The following C1orf159 variants were observed in gnomAD, a reference collection of about 807,000 sequenced individuals.
C1orf159 encodes the protein chromosome 1 open reading frame 159, also known as uncharacterized protein C1orf159.
Under a neutral mutation model 25.6 loss-of-function variants are expected in C1orf159, and 19 were observed. The ratio of observed to expected loss-of-function variants is 0.74; its 90% CI spans 0.52 to 1.09. C1orf159 has a LOEUF of 1.09. Ranked by LOEUF, C1orf159 falls within the 50% of genes least tolerant of loss-of-function variation. The pLI is 0.00. For synonymous variants in C1orf159, 139 were observed against 124.7 expected (o/e 1.12, Z -0.77); for missense variants, 274 against 290.6 (o/e 0.94, Z 0.42).
chr1:1,091,235 T>A lies in C1orf159; in HGVS notation c.72+237A>T. 3 of 628,622 alleles carry A rather than the reference T, an allele frequency of 4.8e-6. No individual in the cohort carries two copies. The Admixed American group carries it at 8.8e-5, about 18-fold the overall frequency. 38.9% of individuals were successfully genotyped at this position (628,622 alleles called of 1,614,324 possible). ...CATTGCGGGCCAGGATGCCTCACCGTGGGGGCCCCGCCTGACCCAGCCATT... is the reference window on the plus strand; with the variant it reads ...CATTGCGGGCCAGGATGCCTCACCGAGGGGGCCCCGCCTGACCCAGCCATT... On this transcript the variant is annotated intron_variant, in intron 3 of 9. Coordinates refer to ENST00000421241, the MANE Select transcript of C1orf159 (RefSeq NM_017891.5).
chr1:1,082,641 G>T lies in C1orf159; in HGVS notation c.*252C>A, dbSNP rs61766325. The T allele has an allele frequency of 1.3e-5, 7 of 531,848 alleles. No homozygotes were observed. Among genetic ancestry groups the T allele is most frequent in the South Asian group, 2.1e-5 (1 of 48,628 alleles). 32.9% of individuals were successfully genotyped at this position (531,848 alleles called of 1,614,324 possible). ...GGGGGCCCGGACCCCCCAAGGCCTC[G>T]ATCTGAAGCTCTGAGGTCTCATGGA... On this transcript the variant is annotated 3_prime_UTR_variant, in exon 10 of 10. Transcript: ENST00000421241.
intron 1 of C1orf159, among the ~76,000 whole-genome samples, chr1:1,107,796 T>C (rs1252041084): frequency 6.6e-6 from 1 of 152,196 alleles, no homozygotes; most frequent in Non-Finnish European, 1.5e-5. Flanking sequence ...CAATAAATCT[T>C]GCTGCTGCTC....
chr1:1,096,469 CCCT>C (rs1646010806), intron 1 of C1orf159, among the ~76,000 whole-genome samples: 2 of 151,972 alleles, frequency 1.3e-5, no homozygotes, highest in African/African-American at 2.4e-5. Flanking sequence ...CACCCGTTCC[CCCT>C]CCTCTTTTAT....
intron 4 of C1orf159, among the ~76,000 whole-genome samples, chr1:1,088,075 C>G (rs1161087045): frequency 1.3e-5 from 2 of 151,610 alleles, no homozygotes; most frequent in African/African-American, 4.8e-5. Flanking sequence ...AGGCTGGGCC[C>G]GGCTTCCACC....
At chr1:1,091,908 G>A (rs1024737264) in intron 2 of C1orf159, 83 bp downstream of exon 2, 2 of 452,894 alleles carry the variant, frequency 4.4e-6, no homozygotes, top group Admixed American at 5.1e-5. Context: ...AGGGAAGGTG[G>A]AGCCAAATGG....
intron 7 of C1orf159, among the ~76,000 whole-genome samples, 168 bp from the exon 8 acceptor site, chr1:1,084,674 C>T (rs1282884256): frequency 6.6e-6 from 1 of 152,118 alleles, no homozygotes; most frequent in East Asian, 1.9e-4. Flanking sequence ...CCAACCTCTC[C>T]CTGCGGTGCA....
rs1424610884 is a variant in C1orf159 at position 1,108,250 on chromosome 1, C to A, written c.-136+7810G>T. On this transcript the variant is annotated intron_variant, in intron 1 of 9. Coordinates refer to ENST00000421241, the MANE Select transcript of C1orf159 (RefSeq NM_017891.5). ...CATGTCTCAGCAGCACCGTTCACCA[C>A]AGCCACCATGTCTCAGCAGCACCGT... 7.6e-3 allele frequency among the ~76,000 whole-genome samples: 1,101 copies of A among 144,040 alleles called. 28 individuals carry two copies. The highest frequency in any genetic ancestry group is 0.019 in the East Asian group (90 of 4,774). 94.5% of individuals were successfully genotyped at this position (144,040 alleles called of 152,430 possible).
In C1orf159 at chr1:1,082,234, CTTT is replaced by C; in HGVS notation, c.*656_*658del. 1 of 153,552 alleles carries C rather than the reference CTTT, an allele frequency of 6.5e-6. No homozygotes were observed. Among genetic ancestry groups the C allele is most frequent in the Non-Finnish European group, 1.5e-5 (1 of 68,810 alleles). 9.5% of individuals were successfully genotyped at this position (153,552 alleles called of 1,614,324 possible). On this transcript the variant is annotated 3_prime_UTR_variant, in exon 10 of 10. Coordinates refer to ENST00000421241, the MANE Select transcript of C1orf159 (RefSeq NM_017891.5). ...AGCGGGGCCACAGAGCTCTGGAGGA[CTTT>C]TCTGCACAATGAATTTCTGCTTAAA...
At position 1,087,358 on chromosome 1, in the gene C1orf159, A is replaced by C; in HGVS notation, c.244+144T>G. On this transcript the variant is annotated intron_variant, in intron 5 of 9. Coordinates refer to ENST00000421241, the MANE Select transcript of C1orf159 (RefSeq NM_017891.5). The surrounding 1 kb of genome is among the most constrained non-coding windows in gnomAD (Gnocchi z 8.3). ...ACAGAGCTGTCCCGAATGGCCCAGC[A>C]GACTCGGGAAGAGGGGGCTCCCGGG... 2 of 1,149,714 alleles carry C rather than the reference A, an allele frequency of 1.7e-6. No individual in the cohort carries two copies. Among genetic ancestry groups the C allele is most frequent in the South Asian group, 3.1e-5 (2 of 63,492 alleles). The allele number at this position is 1,149,714 out of a possible 1,614,324, so 71.2% of individuals were successfully genotyped here.
chr1:1,086,832 G>A (rs1645837754), intron 6 of C1orf159, among the ~76,000 whole-genome samples: 1 of 152,048 alleles, frequency 6.6e-6, no homozygotes, highest in Non-Finnish European at 1.5e-5. Flanking sequence ...GTGTGGCCGT[G>A]AGCCATGAGT....
At position 1,089,579 on chromosome 1, in the gene C1orf159, C is replaced by T. The variant is rs539791036; in HGVS notation, c.148+774G>A. ...GCCCAGCCTCACTGGCTGCCACAGCCGCCGTCTTGACCACGCCCTCCTCAC... is the reference window on the plus strand; with the variant it reads ...GCCCAGCCTCACTGGCTGCCACAGCTGCCGTCTTGACCACGCCCTCCTCAC... On this transcript the variant is annotated intron_variant, in intron 4 of 9. Coordinates refer to ENST00000421241, the MANE Select transcript of C1orf159 (RefSeq NM_017891.5). This position sits in a 1 kb window ranked among gnomAD's most constrained non-coding sequence, Gnocchi z 7.5. 7.2e-5 allele frequency among the ~76,000 whole-genome samples: 11 copies of T among 152,288 alleles called. No individual in the cohort carries two copies. The South Asian group carries it at 8.3e-4, about 11-fold the overall frequency.
At position 1,087,256 on chromosome 1, in the gene C1orf159, C is replaced by A; in HGVS notation, c.245-52G>T. On this transcript the variant is annotated intron_variant, in intron 5 of 9. Coordinates refer to ENST00000421241, the MANE Select transcript of C1orf159 (RefSeq NM_017891.5). The surrounding 1 kb of genome is among the most constrained non-coding windows in gnomAD (Gnocchi z 8.3). The stretch of plus-strand genomic sequence containing the variant: ...CCTGTGTGCACGGAGCCCACGGGGA[C>A]ACCCACGTGCACCCTGAAGGGATCT... The A allele has an allele frequency of 6.7e-7, 1 of 1,496,756 alleles. No homozygotes were observed. Among genetic ancestry groups the A allele is most frequent in the South Asian group, 1.3e-5 (1 of 79,142 alleles). 92.7% of individuals were successfully genotyped at this position (1,496,756 alleles called of 1,614,324 possible).
intron 1 of C1orf159, among the ~76,000 whole-genome samples, chr1:1,107,112 C>T (rs1044542234): frequency 1.0e-4 from 16 of 152,396 alleles, no homozygotes; most frequent in South Asian, 4.1e-4. Flanking sequence ...CCGCGGCACC[C>T]GATCCCATCA....
In C1orf159 at chr1:1,084,524, G is replaced by A. The variant is rs1040740102; in HGVS notation, c.446-18C>T. 1.5e-5 allele frequency: 23 copies of A among 1,551,182 alleles called. No individual in the cohort carries two copies. Among genetic ancestry groups the A allele is most frequent in the Non-Finnish European group, 2.0e-5 (23 of 1,147,762 alleles). On this transcript the variant is annotated intron_variant, in intron 7 of 9. Coordinates refer to ENST00000421241, the MANE Select transcript of C1orf159 (RefSeq NM_017891.5). ...GGCCGGAGCTGTGGGGGAGAAAGCG[G>A]AGAGTCACCCTGGAGCCCAGGAGCT...
At chr1:1,092,336 C>T (rs1157860775) in intron 1 of C1orf159, 4 of 195,764 alleles carry the variant, frequency 2.0e-5, no homozygotes, top group East Asian at 3.5e-4. Context: ...CGCTGGGATA[C>T]GGGCCCTCGG....
At position 1,110,196 on chromosome 1, in the gene C1orf159, T is replaced by G. The variant is rs1646238501; in HGVS notation, c.-136+5864A>C. ...TTAACACTAATGTTGGTCAGTTGTG[T>G]CTAAACTGAAAAAGGGTGGCAGTAT... On this transcript the variant is annotated intron_variant, in intron 1 of 9. Coordinates refer to ENST00000421241, the MANE Select transcript of C1orf159 (RefSeq NM_017891.5). The surrounding 1 kb of genome is among the most constrained non-coding windows in gnomAD (Gnocchi z 4.8). Among the ~76,000 whole-genome samples the G allele has an allele frequency of 6.6e-6, 1 of 152,158 alleles. No homozygotes were observed. Among genetic ancestry groups the G allele is most frequent in the Non-Finnish European group, 1.5e-5 (1 of 68,026 alleles).
At chr1:1,112,037 G>A (rs137937796) in intron 1 of C1orf159, among the ~76,000 whole-genome samples, 3 of 152,322 alleles carry the variant, frequency 2.0e-5, no homozygotes, top group African/African-American at 2.4e-5. Context: ...GGAGTCGGGC[G>A]GTTGCCGTAG....
chr1:1,098,688 G>A (rs1646044799), intron 1 of C1orf159, among the ~76,000 whole-genome samples: 9 of 152,086 alleles, frequency 5.9e-5, no homozygotes, highest in Admixed American at 5.9e-4. Context: ...GCACGATCTC[G>A]GGTCACTCCG....
intron 1 of C1orf159, among the ~76,000 whole-genome samples, chr1:1,094,411 CT>C (rs1050888850): frequency 8.1e-4 from 119 of 146,256 alleles, no homozygotes; most frequent in African/African-American, 1.9e-3. Flanking sequence ...GTCTTATCAT[CT>C]TTTTTTTTTT....
Sources: allele counts gnomAD v4.1 joint callset (sites outside exome capture counted in the v4.1 genomes callset), GRCh38; gene constraint gnomAD v4.1.1; non-coding constraint Gnocchi (gnomAD v3.1); transcripts MANE v1.5; gene names NCBI Gene and HGNC (gene_info 2026-07-23, HGNC 2026-07-21).